The following AMPD1 variants were observed in gnomAD, a reference collection of about 807,000 sequenced individuals.
The protein encoded by AMPD1 is adenosine monophosphate deaminase 1.
A neutral mutation model predicts 82.9 loss-of-function variants in AMPD1; 74 were observed. The observed-to-expected ratio is 0.89, with a 90% CI of 0.74 to 1.08. The LOEUF is 1.08. AMPD1 is among the 50% of genes least tolerant of loss of function. The probability of loss-of-function intolerance (pLI) is 0.00; values close to 1 mark genes in which losing one functional copy is unlikely to be tolerated. For synonymous variants in AMPD1, 333 were observed against 320.5 expected, an observed-to-expected ratio of 1.04 and a Z score of -0.42; for missense variants, 881 against 924.5, an observed-to-expected ratio of 0.95 and a Z score of 0.61.
chr1:114,694,747 G>C (rs1475448519), intron 1 of AMPD1, among the ~76,000 whole-genome samples: 1 of 152,100 alleles, frequency 6.6e-6, no homozygotes, highest in Non-Finnish European at 1.5e-5. Flanking sequence ...GGGAGGCTGA[G>C]GTGGGAGGAT....
chr1:114,686,064 G>C (rs142116040), intron 4 of AMPD1, among the ~76,000 whole-genome samples: 1 of 152,120 alleles, frequency 6.6e-6, no homozygotes, highest in Non-Finnish European at 1.5e-5. Context: ...TTGACCAACT[G>C]TTCTGGATGA....
intron 1 of AMPD1, 41 bp from the exon 2 acceptor site, chr1:114,693,488 A>C: frequency 6.4e-7 from 1 of 1,573,586 alleles, no homozygotes; most frequent in Middle Eastern, 1.7e-4. Context: ...TATGTGAACA[A>C]CTTTCTGTAA....
At chr1:114,693,035 T>C (rs1450578684) in intron 2 of AMPD1, among the ~76,000 whole-genome samples, 1 of 151,210 alleles carries the variant, frequency 6.6e-6, no homozygotes, top group Admixed American at 6.6e-5. Context: ...TGAGGCAAGA[T>C]AATTAGTTGA....
At position 114,688,624 on chromosome 1, in the gene AMPD1, T is replaced by C. The variant is rs997373043; in HGVS notation, c.152A>G (p.His51Arg). The change falls in exon 3 of 16, where the codon CAT (histidine) becomes CGT (arginine). Residue 51 changes from histidine to arginine, a missense_variant. His to Arg is a conservative substitution (Grantham distance 29). Coordinates refer to ENST00000520113, the MANE Select transcript of AMPD1 (RefSeq NM_000036.3). ...GAATATGTGTGCTTGCATCTCATGA[T>C]GAGAAATCGGACAGATCTCATCCAC... is the stretch of plus-strand genomic sequence containing the variant. ...FDVDEICPIS[H>R]HEMQAHIFHL... 3 of 1,614,108 alleles carry C rather than the reference T, an allele frequency of 1.9e-6. No homozygotes were observed. The African/African-American group carries it at 4.0e-5, about 22-fold the overall frequency.
chr1:114,673,465 C>A (rs1657890479), intron 15 of AMPD1, among the ~76,000 whole-genome samples, 174 bp downstream of exon 15: 1 of 152,106 alleles, frequency 6.6e-6, no homozygotes, highest in Non-Finnish European at 1.5e-5. Flanking sequence ...ATTTTACTTC[C>A]CTGGCCCAAA....
At position 114,688,721 on chromosome 1, in the gene AMPD1, T is replaced by A. The variant is rs1385888709; in HGVS notation, c.55A>T (p.Asn19Tyr). Reference sequence around the variant, plus strand: ...GAGGCAAACACTTTTTCAGCAAAGTTGCGCATTGCATCATCAATTTCTAAA... The same window carrying A: ...GAGGCAAACACTTTTTCAGCAAAGTAGCGCATTGCATCATCAATTTCTAAA... The part of the protein sequence containing the change: ...EEKQIDDAMR[N>Y]FAEKVFASEV... Residue 19 changes from asparagine to tyrosine, a missense_variant, in exon 3 of 16, where the codon AAC becomes TAC. Physicochemically the swap from Asn to Tyr is moderately radical, Grantham distance 143. Around this residue, in one of 2 missense-constraint regions of AMPD1, gnomAD observed 783 missense variants for 786.4 expected, o/e 1.00. Transcript: ENST00000520113. The A allele has an allele frequency of 1.2e-6, 2 of 1,614,194 alleles. No homozygotes were observed. The highest frequency in any genetic ancestry group is 1.7e-6 in the Non-Finnish European group (2 of 1,180,030).
At chr1:114,675,369 T>C (rs1164948027) in intron 12 of AMPD1, among the ~76,000 whole-genome samples, 161 bp downstream of exon 12, 1 of 151,870 alleles carries the variant, frequency 6.6e-6, no homozygotes, top group Non-Finnish European at 1.5e-5. Context: ...TGCCCCAAAA[T>C]AAATAAACTG....
intron 7 of AMPD1, 119 bp downstream of exon 7, chr1:114,679,460 A>C: frequency 7.1e-7 from 1 of 1,401,778 alleles, no homozygotes; most frequent in Non-Finnish European, 1.0e-6. Context: ...TTTTACTAAA[A>C]TCCACTGAAC....
At chr1:114,681,643 CA>C (rs1350573687) in intron 5 of AMPD1, among the ~76,000 whole-genome samples, 1 of 151,142 alleles carries the variant, frequency 6.6e-6, no homozygotes, top group Non-Finnish European at 1.5e-5. Flanking sequence ...AATTTCCCCA[CA>C]GCCCGTTACC....
intron 2 of AMPD1, among the ~76,000 whole-genome samples, chr1:114,690,195 T>G (rs1190681769): frequency 1.3e-5 from 2 of 152,312 alleles, no homozygotes; most frequent in East Asian, 3.9e-4. Context: ...TCCTACATCT[T>G]CCTCTATTTC....
intron 1 of AMPD1, among the ~76,000 whole-genome samples, chr1:114,693,918 GA>G (rs1270120446): frequency 6.6e-6 from 1 of 152,122 alleles, no homozygotes; most frequent in African/African-American, 2.4e-5. Context: ...AAACCATAAA[GA>G]GGCCGGGTGC....
chr1:114,686,998 T>A (rs749890567), intron 3 of AMPD1, 88 bp from the exon 4 acceptor site: 50 of 1,411,358 alleles, frequency 3.5e-5, no homozygotes, highest in Non-Finnish European at 4.7e-5. Flanking sequence ...TACAATTTTA[T>A]TCTGAGGACA....
At chr1:114,686,191 C>A (rs990071033) in intron 4 of AMPD1, among the ~76,000 whole-genome samples, 1 of 152,064 alleles carries the variant, frequency 6.6e-6, no homozygotes, top group Non-Finnish European at 1.5e-5. Context: ...GAGTTCAGGT[C>A]GTCAAAAAAA....
chr1:114,673,906 T>C lies in AMPD1; in HGVS notation c.1974+3A>G, dbSNP rs757892267. The C allele has an allele frequency of 1.9e-6, 3 of 1,613,732 alleles. No homozygotes were observed. Among genetic ancestry groups the C allele is most frequent in the South Asian group, 2.2e-5 (2 of 91,070 alleles). On this transcript the variant is annotated splice_donor_region_variant and intron_variant, in intron 14 of 15. Coordinates refer to ENST00000520113, the MANE Select transcript of AMPD1 (RefSeq NM_000036.3). ...GCTTGTATTGCCCAAGTCCATACTA[T>C]ACCTTGGTAAAGTGGAATTGCATTG...
chr1:114,694,708 G>A lies in AMPD1; in HGVS notation c.22+742C>T, dbSNP rs7518060. On this transcript the variant is annotated intron_variant, in intron 1 of 15. Coordinates refer to ENST00000520113, the MANE Select transcript of AMPD1 (RefSeq NM_000036.3). ...AAAATACAAAAACTAGCTGGGCGTG[G>A]TGGCAAGTGCCTGTAGTCCCAGCTA... Among the ~76,000 whole-genome samples, 350 of 152,202 alleles carry A rather than the reference G, an allele frequency of 2.3e-3. 4 individuals are homozygous for A. Among genetic ancestry groups the A allele is most frequent in the African/African-American group, 7.9e-3 (327 of 41,528 alleles).
intron 4 of AMPD1, among the ~76,000 whole-genome samples, chr1:114,685,034 C>T (rs1658269589): frequency 6.6e-6 from 1 of 152,108 alleles, no homozygotes; most frequent in Non-Finnish European, 1.5e-5. Flanking sequence ...CCAGGCATGC[C>T]CAAGTAGTTA....
At chr1:114,682,647 C>T (rs55783625) in intron 5 of AMPD1, among the ~76,000 whole-genome samples, 6,221 of 150,992 alleles carry the variant, frequency 0.041, 191 homozygotes, top group Non-Finnish European at 0.063. Context: ...GGCGCGATCT[C>T]AGCTCACTGC....
Position 114,677,527 on chromosome 1 carries a change from G to C in AMPD1, c.1225-13C>G. 6.2e-7 allele frequency: 1 copy of C among 1,613,702 alleles called. No homozygotes were observed. Among genetic ancestry groups the C allele is most frequent in the Non-Finnish European group, 8.5e-7 (1 of 1,179,948 alleles). On this transcript the variant is annotated splice_polypyrimidine_tract_variant and intron_variant, in intron 9 of 15. Coordinates refer to ENST00000520113, the MANE Select transcript of AMPD1 (RefSeq NM_000036.3). ...CCGCACCTACCTCCTGCAAAGCCAA[G>C]AGAGAAGTCCAAGCCAGGGATTCCC...
At chr1:114,688,328 G>A (rs1157454354) in intron 3 of AMPD1, among the ~76,000 whole-genome samples, 5 of 152,026 alleles carry the variant, frequency 3.3e-5, no homozygotes, top group African/African-American at 7.2e-5. Context: ...GGGTTTCACC[G>A]TGTTGACCAG....
Sources: allele counts gnomAD v4.1 joint callset (sites outside exome capture counted in the v4.1 genomes callset), GRCh38; gene constraint gnomAD v4.1.1; regional missense constraint gnomAD v4.1.1; transcripts MANE v1.5; gene names NCBI Gene and HGNC (gene_info 2026-07-23, HGNC 2026-07-21).